SRGAP3: variants seen among roughly 807,000 people sequenced by gnomAD.
SRGAP3 encodes the protein SLIT-ROBO Rho GTPase-activating protein 3.
In SRGAP3, 39 loss-of-function variants were observed where a neutral mutation model predicts 121.1. That is an observed-to-expected ratio of 0.32 (90% CI 0.25 to 0.42). The LOEUF is 0.42. Ranked by LOEUF, SRGAP3 falls within the 10% of genes least tolerant of loss-of-function variation. SRGAP3 has a pLI of 1.00. For synonymous variants in SRGAP3, 601 were observed against 570.0 expected (o/e 1.05, Z -0.77); for missense variants, 1,213 against 1,470.6 (o/e 0.82, Z 2.86).
intron 1 of SRGAP3, among the ~76,000 whole-genome samples, chr3:9,135,313 G>A (rs1334261869): frequency 6.6e-6 from 1 of 152,192 alleles, no homozygotes; most frequent in Non-Finnish European, 1.5e-5. Flanking sequence ...GAAAGGCAGG[G>A]ATGGCACTAT....
At chr3:9,092,953 T>C (rs140082760) in intron 3 of SRGAP3, among the ~76,000 whole-genome samples, 1 of 152,108 alleles carries the variant, frequency 6.6e-6, no homozygotes, top group African/African-American at 2.4e-5. Flanking sequence ...CGATGTTTTA[T>C]ATACATATTC....
chr3:9,058,704 T>TTC (rs60036837), intron 6 of SRGAP3: 17 of 513,524 alleles, frequency 3.3e-5, no homozygotes, highest in African/African-American at 2.1e-4. Context: ...TTCACCATCT[T>TTC]TCTCTCTCTC....
chr3:9,072,710 G>C (rs754401180), intron 4 of SRGAP3, among the ~76,000 whole-genome samples: 3 of 152,252 alleles, frequency 2.0e-5, no homozygotes, highest in Non-Finnish European at 4.4e-5. Context: ...CCGAGTGTCA[G>C]AGCCCCACTA....
At chr3:9,215,269 C>T (rs1172944789) in intron 1 of SRGAP3, among the ~76,000 whole-genome samples, 1 of 152,196 alleles carries the variant, frequency 6.6e-6, no homozygotes, top group East Asian at 1.9e-4. Context: ...TTTCGGCTCA[C>T]TGAAATCTAC....
In SRGAP3 at chr3:9,280,999, A is replaced by G. The variant is rs773737692; in HGVS notation, n.442+45011T>C. Among the ~76,000 whole-genome samples, 66 of 152,212 alleles carry G rather than the reference A, an allele frequency of 4.3e-4. No homozygotes were observed. In the Middle Eastern group the frequency reaches 0.01, roughly 24 times the overall value. ...GGTGGTGGGAGTCTTCCAGCAGTGG[A>G]GGCTTTATGCTTAGGTTTCTAGTTC... On this transcript the variant is annotated intron_variant and non_coding_transcript_variant, in intron 3 of 3. Transcript: ENST00000490889.
intron 1 of SRGAP3, chr3:9,194,207 T>C (rs1226244564): frequency 6.6e-6 from 1 of 152,202 alleles, no homozygotes; most frequent in Non-Finnish European, 1.5e-5. Flanking sequence ...CTCTTTTAAA[T>C]CCTTTTCCAA....
At chr3:9,302,104 G>C (rs775194384) in intron 3 of SRGAP3, among the ~76,000 whole-genome samples, 3 of 152,146 alleles carry the variant, frequency 2.0e-5, no homozygotes, top group Non-Finnish European at 4.4e-5. Flanking sequence ...CGTTCACCGA[G>C]TCCCCACGGT....
intron 1 of SRGAP3, among the ~76,000 whole-genome samples, chr3:9,142,829 C>CTTTTTTTTCTTTTTTT (rs1949902358): frequency 1.1e-5 from 1 of 90,832 alleles, no homozygotes; most frequent in East Asian, 3.5e-4. Context: ...GGGCAATTTC[C>CTTTTTTTTCTTTTTTT]TTTTTTTTTT....
At chr3:9,237,682 A>G (rs1387012622) in intron 1 of SRGAP3, among the ~76,000 whole-genome samples, 1 of 152,232 alleles carries the variant, frequency 6.6e-6, no homozygotes, top group Non-Finnish European at 1.5e-5. Flanking sequence ...AGCTTGGAGA[A>G]GTCCAGAAAC....
chr3:8,991,231 G>A (rs954755831), intron 20 of SRGAP3, among the ~76,000 whole-genome samples: 1 of 152,134 alleles, frequency 6.6e-6, no homozygotes, highest in African/African-American at 2.4e-5. Context: ...GATTCTGAGG[G>A]GCTTCTAATT....
At chr3:9,137,750 G>A (rs1409016592) in intron 1 of SRGAP3, among the ~76,000 whole-genome samples, 1 of 152,204 alleles carries the variant, frequency 6.6e-6, no homozygotes, top group Admixed American at 6.5e-5. Flanking sequence ...CAGAATGGGA[G>A]GGAGAGAGGG....
chr3:9,084,935 A>T (rs1164786205), intron 3 of SRGAP3, among the ~76,000 whole-genome samples: 1 of 152,174 alleles, frequency 6.6e-6, no homozygotes, highest in South Asian at 2.1e-4. Flanking sequence ...AGAGGGGATG[A>T]CTTTGGGGGC....
rs571472133 is a variant in SRGAP3, at chr3:9,133,248, G to A, written c.68-8331C>T. Among the ~76,000 whole-genome samples, 53 of 152,182 alleles carry A rather than the reference G, an allele frequency of 3.5e-4. 1 individual carries two copies. Among genetic ancestry groups the A allele is most frequent in the African/African-American group, 1.2e-3 (51 of 41,526 alleles). Reference sequence around the variant, plus strand: ...TGTAATCCCAACACTTTGGGAGGCCGAAGCAGGTGGATCACTTGAGGTCAG... The same window carrying A: ...TGTAATCCCAACACTTTGGGAGGCCAAAGCAGGTGGATCACTTGAGGTCAG... On this transcript the variant is annotated intron_variant, in intron 1 of 21. Transcript: ENST00000383836.
intron 10 of SRGAP3, among the ~76,000 whole-genome samples, chr3:9,038,747 C>T (rs113533742): frequency 6.6e-6 from 1 of 152,314 alleles, no homozygotes; most frequent in African/African-American, 2.4e-5. Context: ...AAGCCCAGAC[C>T]TTCTCCTTAT....
chr3:9,325,870 T>C (rs1234551371), intron 3 of SRGAP3: 3 of 151,986 alleles, frequency 2.0e-5, no homozygotes, highest in Non-Finnish European at 4.4e-5. Flanking sequence ...CTATTGTTCA[T>C]AGAGGCATAA....
In SRGAP3 at chr3:9,190,050, C is replaced by CA. The variant is rs113393078; in HGVS notation, c.67+58834dup. Among the ~76,000 whole-genome samples the CA allele has an allele frequency of 8.7e-3, 1,323 of 152,300 alleles. 21 individuals carry two copies. Among genetic ancestry groups the CA allele is most frequent in the African/African-American group, 0.03 (1,264 of 41,548 alleles). On this transcript the variant is annotated intron_variant, in intron 1 of 21. Transcript: ENST00000383836. ...ATCCCCGCTTAACGGGTGAAATTGA[C>CA]ACACAAGAGTGGTCAAGTAACCCAT...
At chr3:9,106,600 G>A (rs778787946) in intron 2 of SRGAP3, among the ~76,000 whole-genome samples, 34 of 152,238 alleles carry the variant, frequency 2.2e-4, no homozygotes, top group Admixed American at 5.9e-4. Context: ...AGTCTTTCCC[G>A]TGCTATTCTC....
intron 10 of SRGAP3, among the ~76,000 whole-genome samples, chr3:9,042,102 C>CAAA (rs370049198): frequency 2.0e-5 from 2 of 98,172 alleles, no homozygotes; most frequent in African/African-American, 7.4e-5. Context: ...GACGCCATCT[C>CAAA]AAAAAAAAAA....
At chr3:9,240,870 G>A (rs1953609672) in intron 1 of SRGAP3, among the ~76,000 whole-genome samples, 1 of 152,182 alleles carries the variant, frequency 6.6e-6, no homozygotes, top group Non-Finnish European at 1.5e-5. Context: ...GTGACTTCCT[G>A]GGGTGGGATT....
Sources: gnomAD v4.1 joint callset for allele counts (sites outside exome capture counted in the v4.1 genomes callset) on GRCh38, gnomAD v4.1.1 for gene constraint, MANE v1.5 for transcripts, NCBI Gene and HGNC (gene_info 2026-07-23, HGNC 2026-07-21) for gene names.